CCSER1: variants seen among roughly 807,000 people sequenced by gnomAD.
CCSER1 encodes coiled-coil serine rich protein 1.
In CCSER1, 41 loss-of-function variants were observed where a neutral mutation model predicts 82.0. The ratio of observed to expected loss-of-function variants is 0.50; its 90% CI spans 0.39 to 0.65. The LOEUF (loss-of-function observed/expected upper bound fraction) is 0.65. Ranked by LOEUF, CCSER1 falls within the 30% of genes least tolerant of loss-of-function variation. CCSER1 has a pLI of 0.00. For missense variants in CCSER1, 1,119 were observed against 1,064.2 expected, an observed-to-expected ratio of 1.05 and a Z score of -0.72; for synonymous variants, 414 against 383.9, an observed-to-expected ratio of 1.08 and a Z score of -0.92.
chr4:90,616,738 C>CACACACAAATA (rs1387107494), intron 5 of CCSER1, among the ~76,000 whole-genome samples: 7 of 57,760 alleles, frequency 1.2e-4, no homozygotes, highest in African/African-American at 6.0e-4. Context: ...CACACACACA[C>CACACACAAATA]AAATAAAATA....
At position 90,146,920 on chromosome 4, in the gene CCSER1, C is replaced by G. The variant is rs1025997198; in HGVS notation, c.-42+19089C>G. Reference sequence around the variant, plus strand: ...ATGATATTCTTTTAAAAGTAATTAACACATAAGATTAAATATTCATTTTTA... The same window carrying G: ...ATGATATTCTTTTAAAAGTAATTAAGACATAAGATTAAATATTCATTTTTA... On this transcript the variant is annotated intron_variant, in intron 1 of 10. Coordinates refer to ENST00000509176, the MANE Select transcript of CCSER1 (RefSeq NM_001145065.2). 3.9e-5 allele frequency among the ~76,000 whole-genome samples: 6 copies of G among 152,002 alleles called. No homozygotes were observed. The East Asian group carries it at 9.6e-4, about 24-fold the overall frequency.
At position 90,837,179 on chromosome 4, in the gene CCSER1, A is replaced by G. The variant is rs1032538690; in HGVS notation, c.2094+21334A>G. Among the ~76,000 whole-genome samples, 16 of 152,308 alleles carry G rather than the reference A, an allele frequency of 1.1e-4. No individual in the cohort carries two copies. In the South Asian group the frequency reaches 2.9e-3, roughly 28 times the overall value. ...TAAAAATGAAATAATATGTTTTTCTAATTATAATTTTTATTTCTGGAATTT... is the reference window on the plus strand; with the variant it reads ...TAAAAATGAAATAATATGTTTTTCTGATTATAATTTTTATTTCTGGAATTT... On this transcript the variant is annotated intron_variant, in intron 8 of 10. Coordinates refer to ENST00000509176, the MANE Select transcript of CCSER1 (RefSeq NM_001145065.2).
intron 10 of CCSER1, among the ~76,000 whole-genome samples, chr4:91,108,339 T>C (rs927488512): frequency 2.0e-5 from 3 of 152,210 alleles, no homozygotes; most frequent in Admixed American, 6.5e-5. Flanking sequence ...TTGGGGTAGA[T>C]AGTCACAAAT....
At chr4:91,424,244 C>T (rs1323344657) in intron 10 of CCSER1, among the ~76,000 whole-genome samples, 1 of 151,368 alleles carries the variant, frequency 6.6e-6, no homozygotes, top group Non-Finnish European at 1.5e-5. Context: ...GTCTCGATCT[C>T]CTGACCTCAT....
At chr4:90,743,502 C>G (rs1050182735) in intron 7 of CCSER1, among the ~76,000 whole-genome samples, 1 of 152,096 alleles carries the variant, frequency 6.6e-6, no homozygotes, top group Non-Finnish European at 1.5e-5. Context: ...TGATGGGAAG[C>G]CTTATGTCAG....
At chr4:90,655,519 C>G (rs1241366601) in intron 6 of CCSER1, among the ~76,000 whole-genome samples, 3 of 151,942 alleles carry the variant, frequency 2.0e-5, no homozygotes, top group African/African-American at 7.2e-5. Context: ...ATGAAGGCAA[C>G]ACTTTCTGGC....
At chr4:90,852,956 A>G (rs1211850685) in intron 8 of CCSER1, among the ~76,000 whole-genome samples, 1 of 152,110 alleles carries the variant, frequency 6.6e-6, no homozygotes, top group Non-Finnish European at 1.5e-5. Flanking sequence ...TTTGAGAGAG[A>G]CCCTAAGCTG....
chr4:91,503,211 G>A (rs1759305799), intron 10 of CCSER1, among the ~76,000 whole-genome samples: 2 of 151,782 alleles, frequency 1.3e-5, no homozygotes, highest in Middle Eastern at 6.8e-3. Flanking sequence ...GCGTGGTGGC[G>A]GGCGCCTGTG....
intron 5 of CCSER1, among the ~76,000 whole-genome samples, chr4:90,533,225 G>A (rs973737494): frequency 1.3e-5 from 2 of 151,562 alleles, no homozygotes; most frequent in African/African-American, 4.8e-5. Flanking sequence ...CCTAGTAGCT[G>A]GGACTACAGG....
chr4:90,969,962 A>C (rs946072803), intron 9 of CCSER1, among the ~76,000 whole-genome samples: 2 of 148,760 alleles, frequency 1.3e-5, no homozygotes, highest in Admixed American at 6.6e-5. Context: ...ACATAGATAA[A>C]GATAAAGAAA....
intron 10 of CCSER1, among the ~76,000 whole-genome samples, chr4:91,178,799 C>T (rs1733684282): frequency 6.6e-6 from 1 of 151,960 alleles, no homozygotes; most frequent in African/African-American, 2.4e-5. Flanking sequence ...GCATTTAGTC[C>T]ATTTAAGGTT....
chr4:91,016,051 C>G (rs1581342455), intron 9 of CCSER1, among the ~76,000 whole-genome samples: 1 of 151,950 alleles, frequency 6.6e-6, no homozygotes, highest in Non-Finnish European at 1.5e-5. Flanking sequence ...ATCACGAGTT[C>G]TCTGTCTACA....
chr4:90,285,848 A>G (rs1370109480), intron 1 of CCSER1, among the ~76,000 whole-genome samples: 1 of 151,836 alleles, frequency 6.6e-6, no homozygotes, highest in East Asian at 1.9e-4. Flanking sequence ...TCATGAAGGG[A>G]TGTTGAATTA....
At chr4:91,003,810 A>G (rs1738260995) in intron 9 of CCSER1, among the ~76,000 whole-genome samples, 1 of 152,164 alleles carries the variant, frequency 6.6e-6, no homozygotes, top group Non-Finnish European at 1.5e-5. Context: ...GCCTTTTCCC[A>G]GTGCCTCTGG....
chr4:90,533,765 T>C (rs1446479142), intron 5 of CCSER1, among the ~76,000 whole-genome samples: 5 of 152,238 alleles, frequency 3.3e-5, no homozygotes, highest in Admixed American at 3.3e-4. Context: ...TGCCCTAGTA[T>C]TCTATATCAT....
At chr4:90,906,531 A>C (rs910637582) in intron 8 of CCSER1, among the ~76,000 whole-genome samples, 4 of 152,116 alleles carry the variant, frequency 2.6e-5, no homozygotes, top group Non-Finnish European at 4.4e-5. Flanking sequence ...TTACTATAAG[A>C]ATTTTTATAC....
intron 10 of CCSER1, among the ~76,000 whole-genome samples, chr4:91,380,113 A>C (rs201744338): frequency 2.0e-5 from 3 of 152,116 alleles, no homozygotes; most frequent in African/African-American, 7.2e-5. Flanking sequence ...TCTGAGAGAC[A>C]GTTTGTTATA....
chr4:91,113,255 GT>G (rs1417196572), intron 10 of CCSER1, among the ~76,000 whole-genome samples: 1 of 152,150 alleles, frequency 6.6e-6, no homozygotes, highest in Non-Finnish European at 1.5e-5. Flanking sequence ...ATGACATTGT[GT>G]TGGGAGGCTC....
intron 9 of CCSER1, among the ~76,000 whole-genome samples, chr4:90,977,150 G>A (rs893096406): frequency 6.6e-6 from 1 of 151,414 alleles, no homozygotes; most frequent in African/African-American, 2.4e-5. Context: ...CAACCAACTT[G>A]TGACAACGAG....
Sources: allele counts gnomAD v4.1 joint callset (sites outside exome capture counted in the v4.1 genomes callset), GRCh38; gene constraint gnomAD v4.1.1; transcripts MANE v1.5; gene names NCBI Gene and HGNC (gene_info 2026-07-23, HGNC 2026-07-21).